MYO16: variants seen among roughly 807,000 people sequenced by gnomAD.
The protein encoded by MYO16 is unconventional myosin-XVI.
A neutral mutation model predicts 205.3 loss-of-function variants in MYO16; 94 were observed. The observed-to-expected ratio is 0.46, with a 90% confidence interval of 0.39 to 0.54. The LOEUF (loss-of-function observed/expected upper bound fraction) is 0.54. MYO16 is among the 20% of genes least tolerant of loss of function. The pLI is 0.00. For synonymous variants in MYO16, 988 were observed against 954.0 expected, an observed-to-expected ratio of 1.04 and a Z score of -0.66; for missense variants, 2,315 against 2,387.5, an observed-to-expected ratio of 0.97 and a Z score of 0.63.
rs367746333 is a variant in MYO16, at chr13:109,140,716, C to A, written c.4504C>A (p.Pro1502Thr). The A allele has an allele frequency of 3.3e-5, 50 of 1,497,384 alleles. 1 individual carries two copies. In the Middle Eastern group the frequency reaches 1.7e-3, roughly 51 times the overall value. The allele number at this position is 1,497,384 out of a possible 1,614,324, so 92.8% of individuals were successfully genotyped here. ...CCCAGGGGACGCGTGCGACATCCCG[C>A]CGCCCTTCCCCAACCTGCTGCCGCA... ...GPPGDACDIP[P>T]PFPNLLPHRP... is the part of the protein sequence containing the mutation. The change falls in exon 32 of 35, where the codon CCG becomes ACG. Residue 1502 changes from proline to threonine, a missense_variant. Around this residue, in one of 3 missense-constraint regions of MYO16, gnomAD observed 1,097 missense variants for 1,092.0 expected, o/e 1.00. Coordinates refer to ENST00000457511, the MANE Select transcript of MYO16 (RefSeq NM_001198950.3). This position sits in a 1 kb window ranked among gnomAD's most constrained non-coding sequence, Gnocchi z 8.0.
intron 27 of MYO16, among the ~76,000 whole-genome samples, chr13:109,084,114 T>C (rs1342310831): frequency 6.6e-6 from 1 of 152,190 alleles, no homozygotes; most frequent in Non-Finnish European, 1.5e-5. Flanking sequence ...TTTAATACCA[T>C]CCAATCTAAA....
intron 10 of MYO16, among the ~76,000 whole-genome samples, chr13:108,848,669 G>A (rs950893293): frequency 5.3e-5 from 8 of 152,096 alleles, no homozygotes; most frequent in African/African-American, 1.4e-4. Flanking sequence ...GTTTGGTGGC[G>A]CAGGGCCTGG....
chr13:108,640,130 G>A (rs1880437478), intron 1 of MYO16, among the ~76,000 whole-genome samples: 1 of 152,194 alleles, frequency 6.6e-6, no homozygotes, highest in Admixed American at 6.5e-5. Context: ...GGAAATAGGT[G>A]ACAAGGAAAC....
At chr13:108,742,777 C>T (rs1884949171) in intron 4 of MYO16, among the ~76,000 whole-genome samples, 1 of 152,188 alleles carries the variant, frequency 6.6e-6, no homozygotes, top group Admixed American at 6.5e-5. Context: ...TGAATCAATG[C>T]AGCTATGCCC....
At chr13:109,091,527 G>C (rs969327657) in intron 27 of MYO16, among the ~76,000 whole-genome samples, 1 of 152,104 alleles carries the variant, frequency 6.6e-6, no homozygotes, top group African/African-American at 2.4e-5. Flanking sequence ...GTCTGACGTT[G>C]CCATTGACGC....
chr13:108,759,678 A>G (rs112278280), intron 4 of MYO16, among the ~76,000 whole-genome samples: 15,006 of 150,974 alleles, frequency 0.099, 1,028 homozygotes, highest in Non-Finnish European at 0.15. Context: ...AAAATTAGCC[A>G]GGCGTGGGGG....
chr13:108,843,828 T>A lies in MYO16; in HGVS notation c.1098-515T>A, dbSNP rs1360694680. ...TGTATAGAATTAACAAAAGTTACTC[T>A]GCTTGTAATATTGCAGTCCTTAAAG... On this transcript the variant is annotated intron_variant, in intron 9 of 34. Transcript: ENST00000457511. 2.0e-5 allele frequency among the ~76,000 whole-genome samples: 3 copies of A among 152,174 alleles called. No individual in the cohort carries two copies. In the East Asian group the frequency reaches 5.8e-4, roughly 29 times the overall value.
intron 10 of MYO16, among the ~76,000 whole-genome samples, chr13:108,852,718 C>T (rs1877948826): frequency 6.6e-6 from 1 of 152,108 alleles, no homozygotes; most frequent in South Asian, 2.1e-4. Context: ...GTCTCCGTGG[C>T]CCCTACATGT....
intron 3 of MYO16, among the ~76,000 whole-genome samples, chr13:108,715,050 T>C (rs577222057): frequency 3.9e-5 from 6 of 152,300 alleles, no homozygotes; most frequent in African/African-American, 1.4e-4. Context: ...TTTCCTTCTC[T>C]CATAAGTAAA....
chr13:109,056,154 T>G (rs573867145), intron 27 of MYO16: 3 of 153,936 alleles, frequency 1.9e-5, no homozygotes, highest in African/African-American at 7.2e-5. Flanking sequence ...GTTTCTTATC[T>G]GCCCCTTTAG....
intron 1 of MYO16, among the ~76,000 whole-genome samples, chr13:108,632,930 C>T (rs1466585333): frequency 2.0e-5 from 3 of 152,136 alleles, no homozygotes; most frequent in Admixed American, 6.5e-5. Context: ...TTTTAATGAA[C>T]TGAAGCGGAG....
At chr13:108,516,258 C>T in the MYO16 span, among the ~76,000 whole-genome samples, 365 of 151,722 alleles carry the variant, frequency 2.4e-3, 2 homozygotes, top group African/African-American at 8.5e-3. Flanking sequence ...TCCGTCACCC[C>T]TTTCTTTGAC....
chr13:108,724,445 G>A (rs1014566522), intron 3 of MYO16, among the ~76,000 whole-genome samples: 12 of 152,166 alleles, frequency 7.9e-5, no homozygotes, highest in African/African-American at 2.9e-4. Context: ...TTGTTATCCA[G>A]TCTAATACTC....
intron 22 of MYO16, among the ~76,000 whole-genome samples, chr13:109,019,008 G>T (rs1407041615): frequency 2.8e-5 from 4 of 142,578 alleles, no homozygotes; most frequent in Admixed American, 2.2e-4. Context: ...TGCGTCTGTT[G>T]TCCAGGATGG....
At chr13:109,100,713 A>G in intron 27 of MYO16, 72 bp from the exon 28 acceptor site, 2 of 1,220,376 alleles carry the variant, frequency 1.6e-6, no homozygotes, top group East Asian at 4.8e-5. Flanking sequence ...TGTAACAAAG[A>G]CAGCCCTGTT....
intron 27 of MYO16, among the ~76,000 whole-genome samples, chr13:109,064,169 C>T (rs912747217): frequency 3.9e-5 from 6 of 152,140 alleles, no homozygotes; most frequent in African/African-American, 1.4e-4. Flanking sequence ...TACATTTAAA[C>T]GGTTATATAA....
chr13:108,901,366 C>T (rs969231580), intron 15 of MYO16, among the ~76,000 whole-genome samples: 2 of 152,084 alleles, frequency 1.3e-5, no homozygotes, highest in African/African-American at 4.8e-5. Flanking sequence ...TGATGTCTCC[C>T]CCAGACACCC....
chr13:108,703,205 T>C (rs1594224227), intron 2 of MYO16, among the ~76,000 whole-genome samples: 1 of 152,202 alleles, frequency 6.6e-6, no homozygotes, highest in East Asian at 1.9e-4. Context: ...AAGACACAAA[T>C]TTGTTGAAAG....
At chr13:108,731,859 C>T (rs878884300) in intron 4 of MYO16, among the ~76,000 whole-genome samples, 1 of 152,088 alleles carries the variant, frequency 6.6e-6, no homozygotes, top group East Asian at 1.9e-4. Flanking sequence ...TGAGATGCTG[C>T]ACAGTGAATG....
Sources: gnomAD v4.1 joint callset for allele counts (sites outside exome capture counted in the v4.1 genomes callset) on GRCh38, gnomAD v4.1.1 for gene constraint, gnomAD v4.1.1 regional missense constraint, Gnocchi (gnomAD v3.1) non-coding constraint, MANE v1.5 for transcripts, NCBI Gene and HGNC (gene_info 2026-07-23, HGNC 2026-07-21) for gene names.